The following AGO3 variants were observed in gnomAD, a reference collection of about 807,000 sequenced individuals.
The protein encoded by AGO3 is protein argonaute-3.
A neutral mutation model predicts 105.5 loss-of-function variants in AGO3; 16 were observed. That is an observed-to-expected ratio of 0.15 (90% CI 0.10 to 0.23). The LOEUF (loss-of-function observed/expected upper bound fraction) is 0.23. Among genes scored for constraint, AGO3 ranks in the 10% least tolerant of loss-of-function variants. AGO3 has a pLI of 1.00. For missense variants in AGO3, 534 were observed against 1,088.0 expected, an observed-to-expected ratio of 0.49 and a Z score of 7.16; for synonymous variants, 340 against 367.3, an observed-to-expected ratio of 0.93 and a Z score of 0.85.
intron 9 of AGO3, among the ~76,000 whole-genome samples, chr1:36,010,953 G>A (rs950679606): frequency 4.0e-5 from 6 of 148,572 alleles, no homozygotes; most frequent in African/African-American, 1.5e-4. Flanking sequence ...GGGAAAGAAA[G>A]AGAAAAAGAG....
chr1:35,938,019 C>T (rs1466374632), intron 1 of AGO3, among the ~76,000 whole-genome samples: 4 of 139,766 alleles, frequency 2.9e-5, no homozygotes, highest in Admixed American at 2.3e-4. Context: ...CTTGCTCTGT[C>T]GCCCAGGCTG....
At chr1:36,041,297 G>A (rs1481059235) in intron 16 of AGO3, among the ~76,000 whole-genome samples, 8 of 141,652 alleles carry the variant, frequency 5.6e-5, no homozygotes, top group Non-Finnish European at 9.0e-5. Flanking sequence ...GTTGGAGTGC[G>A]GTGGCGCGAT....
chr1:36,040,841 G>A (rs1324846944), intron 16 of AGO3, among the ~76,000 whole-genome samples: 1 of 152,054 alleles, frequency 6.6e-6, no homozygotes, highest in African/African-American at 2.4e-5. Flanking sequence ...GGGAGGCCAA[G>A]GCAGGCAGAT....
chr1:35,999,525 ATCT>A (rs1329947326), intron 5 of AGO3, among the ~76,000 whole-genome samples: 1 of 152,066 alleles, frequency 6.6e-6, no homozygotes, highest in African/African-American at 2.4e-5. Context: ...TGTTTATTTG[ATCT>A]TCTATAGTAT....
rs1642960076 is a variant in AGO3 at position 36,057,533 on chromosome 1, G to A, written c.*1788G>A. 1 of 152,046 alleles carries A rather than the reference G, an allele frequency of 6.6e-6. No homozygotes were observed. Among genetic ancestry groups the A allele is most frequent in the African/African-American group, 2.4e-5 (1 of 41,378 alleles). The allele number at this position is 152,046 out of a possible 1,614,324, so 9.4% of individuals were successfully genotyped here. On this transcript the variant is annotated 3_prime_UTR_variant, in exon 19 of 19. Transcript: ENST00000373191. Reference sequence around the variant, plus strand: ...TTTTTGCTATCTTTTAGTGCAATAAGCAGTTTTAAAGGAAAGTTGTGTCTG... The same window carrying A: ...TTTTTGCTATCTTTTAGTGCAATAAACAGTTTTAAAGGAAAGTTGTGTCTG...
chr1:35,981,242 A>G (rs2148783609), intron 5 of AGO3, among the ~76,000 whole-genome samples: 1 of 152,254 alleles, frequency 6.6e-6, no homozygotes, highest in South Asian at 2.1e-4. Context: ...GTATTATTGT[A>G]TGTATACTTA....
intron 5 of AGO3, among the ~76,000 whole-genome samples, chr1:35,994,126 C>T (rs1195029465): frequency 7.0e-6 from 1 of 142,286 alleles, no homozygotes; most frequent in Non-Finnish European, 1.5e-5. Context: ...TCATGGCTCA[C>T]TGCAGCCTCA....
At chr1:36,036,797 C>T (rs1292652532) in intron 14 of AGO3, among the ~76,000 whole-genome samples, 3 of 152,080 alleles carry the variant, frequency 2.0e-5, no homozygotes, top group Non-Finnish European at 2.9e-5. Context: ...CAGGTTCAAG[C>T]GATTATCCTG....
In AGO3 at chr1:36,060,546, C is replaced by T. The variant is rs1311540931; in HGVS notation, c.*4801C>T. On this transcript the variant is annotated 3_prime_UTR_variant, in exon 19 of 19. Transcript: ENST00000373191. ...ATTCAAGAAGCAAACGACTTCGATA[C>T]AGCTAGAATATGTTGCAGTCTTCCT... 6.6e-6 allele frequency: 1 copy of T among 152,230 alleles called. No homozygotes were observed. Among genetic ancestry groups the T allele is most frequent in the Non-Finnish European group, 1.5e-5 (1 of 68,036 alleles). 9.4% of individuals were successfully genotyped at this position (152,230 alleles called of 1,614,324 possible).
chr1:35,974,946 G>C (rs546178708), intron 5 of AGO3, among the ~76,000 whole-genome samples: 5 of 152,032 alleles, frequency 3.3e-5, no homozygotes, highest in Admixed American at 3.3e-4. Context: ...CCAGATTAGG[G>C]TATAGTTTCC....
In AGO3 at chr1:36,008,764, G is replaced by A. The variant is rs1414152375; in HGVS notation, c.868G>A (p.Ala290Thr). ...TGTTTGTAATGTAACAAGGAGGCCTGCCAGTCATCAAACGTAAGAAAAGTT... is the reference window on the plus strand; with the variant it reads ...TGTTTGTAATGTAACAAGGAGGCCTACCAGTCATCAAACGTAAGAAAAGTT... Reference protein sequence around the residue: ...YRVCNVTRRPASHQTFPLQLE... With the variant: ...YRVCNVTRRPTSHQTFPLQLE... Residue 290 changes from alanine (A) to threonine (T), a missense_variant, in exon 7 of 19, where the codon GCC becomes ACC. Ala to Thr is a moderately conservative substitution (Grantham distance 58, BLOSUM62 0). Transcript: ENST00000373191. The surrounding 1 kb of genome is among the most constrained non-coding windows in gnomAD (Gnocchi z 5.1). The A allele has an allele frequency of 1.9e-6, 3 of 1,614,148 alleles. No individual in the cohort carries two copies. The highest frequency in any genetic ancestry group is 2.2e-5 in the South Asian group (2 of 91,082).
chr1:36,019,279 A>G (rs948706416), intron 11 of AGO3, among the ~76,000 whole-genome samples: 3 of 152,250 alleles, frequency 2.0e-5, no homozygotes, highest in African/African-American at 7.2e-5. Flanking sequence ...TATTAGGAGC[A>G]TAAGCCTTCC....
intron 12 of AGO3, among the ~76,000 whole-genome samples, chr1:36,030,298 T>G (rs1222758471): frequency 6.6e-6 from 1 of 152,012 alleles, no homozygotes; most frequent in African/African-American, 2.4e-5. Context: ...GTTCAGGAAT[T>G]CAAGACTAGT....
At chr1:35,995,209 A>AAAAATATATATAT (rs1237315557) in intron 5 of AGO3, among the ~76,000 whole-genome samples, 11 of 114,740 alleles carry the variant, frequency 9.6e-5, no homozygotes, top group African/African-American at 4.1e-4. Context: ...TAAAAAAAAA[A>AAAAATATATATAT]ATATATATAT....
chr1:35,975,096 G>A (rs1405662000), intron 5 of AGO3, among the ~76,000 whole-genome samples: 1 of 152,122 alleles, frequency 6.6e-6, no homozygotes, highest in Non-Finnish European at 1.5e-5. Flanking sequence ...AGATAAGTCT[G>A]TAAGATACAT....
At chr1:35,999,757 A>G (rs992785373) in intron 5 of AGO3, among the ~76,000 whole-genome samples, 1 of 152,178 alleles carries the variant, frequency 6.6e-6, no homozygotes, top group Non-Finnish European at 1.5e-5. Flanking sequence ...ATTTGTCCAT[A>G]GATTTTTATT....
intron 5 of AGO3, chr1:35,982,516 A>T: frequency 1.6e-6 from 1 of 626,446 alleles, no homozygotes; most frequent in Non-Finnish European, 2.9e-6. Flanking sequence ...GAAATAAAAG[A>T]TAAAAACAAA....
In AGO3 at chr1:35,969,950, A is replaced by G. The variant is rs148217313; in HGVS notation, c.313-2074A>G. Reference sequence around the variant, plus strand: ...TGGTACGCCTGTATAAGGCAGCTTCATTATAATCTAATGGGACCACCGTGT... The same window carrying G: ...TGGTACGCCTGTATAAGGCAGCTTCGTTATAATCTAATGGGACCACCGTGT... On this transcript the variant is annotated intron_variant, in intron 3 of 18. Coordinates refer to ENST00000373191, the MANE Select transcript of AGO3 (RefSeq NM_024852.4). 3.9e-5 allele frequency among the ~76,000 whole-genome samples: 6 copies of G among 152,302 alleles called. No individual in the cohort carries two copies. In the East Asian group the frequency reaches 5.8e-4, roughly 15 times the overall value.
At chr1:36,047,419 C>G (rs1042415018) in intron 17 of AGO3, among the ~76,000 whole-genome samples, 4 of 146,234 alleles carry the variant, frequency 2.7e-5, no homozygotes, top group African/African-American at 1.0e-4. Context: ...AACTTGAAGA[C>G]AGGTCATTTG....
Sources: gnomAD v4.1 joint callset for allele counts (sites outside exome capture counted in the v4.1 genomes callset) on GRCh38, gnomAD v4.1.1 for gene constraint, Gnocchi (gnomAD v3.1) non-coding constraint, MANE v1.5 for transcripts, NCBI Gene and HGNC (gene_info 2026-07-23, HGNC 2026-07-21) for gene names.